CFAP54: variants seen among roughly 807,000 people sequenced by gnomAD.
CFAP54 encodes the protein cilia- and flagella-associated protein 54.
A neutral mutation model predicts 370.4 loss-of-function variants in CFAP54; 290 were observed. The observed-to-expected ratio is 0.78, with a 90% CI of 0.71 to 0.86. CFAP54 has a LOEUF of 0.86. Ranked by LOEUF, CFAP54 falls within the 40% of genes least tolerant of loss-of-function variation. The pLI is 0.00. For synonymous variants in CFAP54, 1,206 were observed against 1,236.5 expected (o/e 0.98, Z 0.52); for missense variants, 3,399 against 3,528.7 (o/e 0.96, Z 0.93).
At chr12:96,719,379 C>A (rs1957722872) in intron 49 of CFAP54, among the ~76,000 whole-genome samples, 1 of 152,208 alleles carries the variant, frequency 6.6e-6, no homozygotes. Context: ...CTGCTCTGCA[C>A]AAATACATTT....
chr12:96,744,900 C>T (rs1352487226), intron 55 of CFAP54, among the ~76,000 whole-genome samples: 1 of 152,144 alleles, frequency 6.6e-6, no homozygotes, highest in Non-Finnish European at 1.5e-5. Context: ...CTCGACGTGT[C>T]CATGTGTTCT....
chr12:96,785,355 A>G (rs1412662635), intron 61 of CFAP54, among the ~76,000 whole-genome samples: 3 of 152,150 alleles, frequency 2.0e-5, no homozygotes, highest in Non-Finnish European at 4.4e-5. Context: ...ATATCCAGAA[A>G]AACTGATAAA....
At chr12:96,641,263 C>T (rs1312981834) in intron 32 of CFAP54, among the ~76,000 whole-genome samples, 1 of 152,078 alleles carries the variant, frequency 6.6e-6, no homozygotes, top group Non-Finnish European at 1.5e-5. Context: ...AACAAGTGGG[C>T]AAAGGATATG....
chr12:96,616,075 G>A (rs1592885769), intron 26 of CFAP54, among the ~76,000 whole-genome samples: 1 of 152,172 alleles, frequency 6.6e-6, no homozygotes, highest in South Asian at 2.1e-4. Flanking sequence ...TATGTTTATT[G>A]CGGCACTATT....
intron 11 of CFAP54, among the ~76,000 whole-genome samples, chr12:96,534,950 G>A (rs532396216): frequency 1.1e-4 from 16 of 150,452 alleles, no homozygotes; most frequent in Admixed American, 3.3e-4. Flanking sequence ...TGGAATGTTG[G>A]ATTTATGATA....
intron 55 of CFAP54, among the ~76,000 whole-genome samples, chr12:96,752,753 C>T (rs2136655794): frequency 6.6e-6 from 1 of 152,194 alleles, no homozygotes; most frequent in East Asian, 1.9e-4. Flanking sequence ...GATTGCCTGT[C>T]TGGCTATTCA....
chr12:96,752,092 G>C (rs796531419), intron 55 of CFAP54, among the ~76,000 whole-genome samples: 3 of 117,368 alleles, frequency 2.6e-5, no homozygotes, highest in African/African-American at 1.4e-4. Flanking sequence ...GGATGAGAGA[G>C]AGAGAGAGAG....
chr12:96,783,688 A>G (rs1261696671), intron 60 of CFAP54, among the ~76,000 whole-genome samples: 1 of 152,196 alleles, frequency 6.6e-6, no homozygotes, highest in Non-Finnish European at 1.5e-5. Flanking sequence ...GGAGTTCAAG[A>G]CCAGCCTGAC....
At chr12:96,527,711 G>A (rs1955398950) in intron 9 of CFAP54, among the ~76,000 whole-genome samples, 1 of 152,040 alleles carries the variant, frequency 6.6e-6, no homozygotes, top group African/African-American at 2.4e-5. Context: ...TGGGACTACA[G>A]GTGCATGCCA....
At position 96,580,686 on chromosome 12, in the gene CFAP54, A is replaced by G; in HGVS notation, c.2886A>G (p.Glu962=). ...ATAATCATCTCCCAAATTCAGGAGAAGCGGTACGTCAAATTAAACATCAGG... is the reference window on the plus strand; with the variant it reads ...ATAATCATCTCCCAAATTCAGGAGAGGCGGTACGTCAAATTAAACATCAGG... ...LNNNHLPNSG[E]AIPADGKSVF... Residue 962 remains glutamate, a synonymous_variant, in exon 21 of 68, where the codon GAA becomes GAG. Transcript: ENST00000524981. 1.3e-6 allele frequency: 2 copies of G among 1,503,474 alleles called. No individual in the cohort carries two copies. The highest frequency in any genetic ancestry group is 8.9e-7 in the Non-Finnish European group (1 of 1,123,228). The allele number at this position is 1,503,474 out of a possible 1,614,324, so 93.1% of individuals were successfully genotyped here.
At chr12:96,622,679 A>G (rs1956511942) in intron 27 of CFAP54, among the ~76,000 whole-genome samples, 1 of 152,086 alleles carries the variant, frequency 6.6e-6, no homozygotes, top group African/African-American at 2.4e-5. Context: ...GGCACTAGAA[A>G]TTACTTGAAG....
chr12:96,603,581 A>G (rs1257582859), intron 26 of CFAP54, among the ~76,000 whole-genome samples: 5 of 152,118 alleles, frequency 3.3e-5, no homozygotes, highest in African/African-American at 1.2e-4. Flanking sequence ...TCCCGTCACT[A>G]TCAGGTACAC....
rs546772112 is a variant in CFAP54, at chr12:96,582,408, A to G, written c.3075+1303A>G. ...CTTTTCTAAATTTTGTCATATTTCTATTCTATTTTCTCTTAATAGTTGATT... is the reference window on the plus strand; with the variant it reads ...CTTTTCTAAATTTTGTCATATTTCTGTTCTATTTTCTCTTAATAGTTGATT... On this transcript the variant is annotated intron_variant, in intron 22 of 67. Coordinates refer to ENST00000524981, the MANE Select transcript of CFAP54 (RefSeq NM_001306084.2). 2.0e-5 allele frequency among the ~76,000 whole-genome samples: 3 copies of G among 152,242 alleles called. No homozygotes were observed. The South Asian group carries it at 6.2e-4, about 32-fold the overall frequency.
At chr12:96,777,878 A>G (rs936906866) in intron 60 of CFAP54, among the ~76,000 whole-genome samples, 1 of 152,248 alleles carries the variant, frequency 6.6e-6, no homozygotes, top group African/African-American at 2.4e-5. Context: ...AAAGTTGCCA[A>G]TCATTGACAT....
chr12:96,493,446 A>T (rs1397969578), intron 1 of CFAP54, among the ~76,000 whole-genome samples: 6 of 152,226 alleles, frequency 3.9e-5, no homozygotes, highest in African/African-American at 1.4e-4. Context: ...CTGCCTTCTC[A>T]GACTTTATAG....
intron 39 of CFAP54, among the ~76,000 whole-genome samples, chr12:96,667,162 G>A (rs753231645): frequency 6.6e-6 from 1 of 152,136 alleles, no homozygotes; most frequent in Admixed American, 6.5e-5. Context: ...CCTCCCTCCC[G>A]GCTGCTTTCA....
intron 66 of CFAP54, among the ~76,000 whole-genome samples, chr12:96,860,388 C>T (rs1047714747): frequency 3.3e-5 from 5 of 152,162 alleles, no homozygotes; most frequent in African/African-American, 9.7e-5. Flanking sequence ...TACTAGCTCT[C>T]GCTCGTGATA....
In CFAP54 at chr12:96,704,963, A is replaced by G. The variant is rs200765892; in HGVS notation, c.6528+167A>G. Among the ~76,000 whole-genome samples, 62 of 152,170 alleles carry G rather than the reference A, an allele frequency of 4.1e-4. No homozygotes were observed. The East Asian group carries it at 0.012, about 29-fold the overall frequency. ...TCACAAAAAGAGGATTCTACTGCCC[A>G]TCTAAATACATTTGTTCCTGTCACT... is the stretch of plus-strand genomic sequence containing the variant. On this transcript the variant is annotated intron_variant, in intron 47 of 67. Coordinates refer to ENST00000524981, the MANE Select transcript of CFAP54 (RefSeq NM_001306084.2).
intron 5 of CFAP54, among the ~76,000 whole-genome samples, chr12:96,515,592 G>A (rs1278512665): frequency 6.6e-6 from 1 of 152,104 alleles, no homozygotes; most frequent in African/African-American, 2.4e-5. Flanking sequence ...TGGGTCTGAG[G>A]GCTTTGAATA....
Sources: gnomAD v4.1 joint callset for allele counts (sites outside exome capture counted in the v4.1 genomes callset) on GRCh38, gnomAD v4.1.1 for gene constraint, MANE v1.5 for transcripts, NCBI Gene and HGNC (gene_info 2026-07-23, HGNC 2026-07-21) for gene names.